The following RRAS2 variants were observed in gnomAD, a reference collection of about 807,000 sequenced individuals.
RRAS2 encodes RAS related 2, also known as ras-related protein R-Ras2.
Under a neutral mutation model 27.6 loss-of-function variants are expected in RRAS2, and 7 were observed. That is an observed-to-expected ratio of 0.25 (90% CI 0.14 to 0.48). RRAS2 has a LOEUF of 0.48. Ranked by LOEUF, RRAS2 falls within the 20% of genes least tolerant of loss-of-function variation. The pLI is 0.99. For synonymous variants in RRAS2, 86 were observed against 90.9 expected, an observed-to-expected ratio of 0.95 and a Z score of 0.31; for missense variants, 178 against 256.2, an observed-to-expected ratio of 0.69 and a Z score of 2.08.
chr11:14,338,470 T>G (rs1342072464), intron 1 of RRAS2, among the ~76,000 whole-genome samples: 1 of 152,226 alleles, frequency 6.6e-6, no homozygotes, highest in Non-Finnish European at 1.5e-5. Context: ...TTTTTACACA[T>G]ATCTACAAGG....
intron 1 of RRAS2, among the ~76,000 whole-genome samples, chr11:14,332,411 G>T (rs34171876): frequency 6.6e-6 from 1 of 152,032 alleles, no homozygotes; most frequent in African/African-American, 2.4e-5. Flanking sequence ...TGAGGCAGGA[G>T]GCCCACTTGA....
intron 1 of RRAS2, among the ~76,000 whole-genome samples, chr11:14,332,460 C>T (rs1554952044): frequency 6.6e-6 from 1 of 152,066 alleles, no homozygotes; most frequent in Non-Finnish European, 1.5e-5. Flanking sequence ...CATGATGGCA[C>T]CACTGCACTC....
intron 1 of RRAS2, among the ~76,000 whole-genome samples, chr11:14,329,068 T>TACAC (rs200695347): frequency 0.034 from 4,818 of 141,672 alleles, 87 homozygotes; most frequent in Admixed American, 0.053. Context: ...CACATATACA[T>TACAC]ACACACACAC....
chr11:14,278,808 A>G lies in RRAS2; in HGVS notation c.*529T>C, dbSNP rs1312278303. The G allele has an allele frequency of 2.0e-5, 3 of 152,908 alleles. No individual in the cohort carries two copies. Among genetic ancestry groups the G allele is most frequent in the African/African-American group, 7.2e-5 (3 of 41,466 alleles). The allele number at this position is 152,908 out of a possible 1,614,324, so 9.5% of individuals were successfully genotyped here. On this transcript the variant is annotated 3_prime_UTR_variant, in exon 6 of 6. Coordinates refer to ENST00000256196, the MANE Select transcript of RRAS2 (RefSeq NM_012250.6). ...AGGCATTTGGTATTTTGGCCATCAG[A>G]AAACAAAAGTTGTAGTATCAGTAAA... is the stretch of plus-strand genomic sequence containing the variant.
intron 1 of RRAS2, among the ~76,000 whole-genome samples, chr11:14,310,327 TTG>T (rs1847931902): frequency 1.3e-5 from 2 of 151,990 alleles, no homozygotes; most frequent in Non-Finnish European, 2.9e-5. Flanking sequence ...GAAGACAAAT[TTG>T]GGAGTCAGGA....
At chr11:14,305,999 C>T (rs1004472361) in intron 1 of RRAS2, among the ~76,000 whole-genome samples, 26 of 152,014 alleles carry the variant, frequency 1.7e-4, no homozygotes, top group African/African-American at 6.3e-4. Flanking sequence ...GAGCTGCGAC[C>T]GCACCACTGC....
upstream of RRAS2, among the ~76,000 whole-genome samples, chr11:14,363,048 G>A (rs1055676623): frequency 5.3e-5 from 8 of 152,244 alleles, no homozygotes; most frequent in East Asian, 1.5e-3. Context: ...TTAAAAATAG[G>A]GTATGTCACA....
At chr11:14,343,028 G>A (rs1341367944) in intron 1 of RRAS2, among the ~76,000 whole-genome samples, 4 of 152,140 alleles carry the variant, frequency 2.6e-5, no homozygotes, top group African/African-American at 9.7e-5. Context: ...AAAGGAATGT[G>A]GGGTATTTTG....
At chr11:14,281,019 T>C (rs1554944236) in intron 5 of RRAS2, among the ~76,000 whole-genome samples, 1 of 152,190 alleles carries the variant, frequency 6.6e-6, no homozygotes, top group Non-Finnish European at 1.5e-5. Flanking sequence ...AAATTCTCTG[T>C]TGTGTGGGAC....
upstream of RRAS2, among the ~76,000 whole-genome samples, chr11:14,361,023 C>T (rs1849184969): frequency 1.3e-5 from 2 of 150,248 alleles, no homozygotes; most frequent in Non-Finnish European, 3.0e-5. Flanking sequence ...TAGTGGCTCA[C>T]GCCTGTAATC....
chr11:14,319,231 G>A (rs1554949929), intron 1 of RRAS2, among the ~76,000 whole-genome samples: 2 of 151,732 alleles, frequency 1.3e-5, no homozygotes, highest in African/African-American at 2.4e-5. Flanking sequence ...ATACACCTCC[G>A]TCAATCCTGA....
intron 1 of RRAS2, among the ~76,000 whole-genome samples, chr11:14,308,522 C>A (rs183772014): frequency 1.3e-5 from 2 of 152,280 alleles, no homozygotes; most frequent in Admixed American, 6.5e-5. Flanking sequence ...TTAGCTCCTA[C>A]AATATGCCAA....
intron 1 of RRAS2, among the ~76,000 whole-genome samples, chr11:14,306,489 T>C (rs547560561): frequency 6.6e-6 from 1 of 152,228 alleles, no homozygotes; most frequent in South Asian, 2.1e-4. Context: ...TTTTCTCTCA[T>C]AGCCCCCTTC....
intron 1 of RRAS2, among the ~76,000 whole-genome samples, chr11:14,331,904 G>A (rs1280556634): frequency 6.6e-6 from 1 of 152,064 alleles, no homozygotes; most frequent in Non-Finnish European, 1.5e-5. Flanking sequence ...ACACACAAAA[G>A]GAGCTATACC....
chr11:14,314,908 A>G (rs1848062057), intron 1 of RRAS2, among the ~76,000 whole-genome samples: 1 of 152,108 alleles, frequency 6.6e-6, no homozygotes, highest in Non-Finnish European at 1.5e-5. Context: ...GCTGGTCTCA[A>G]ACTCTTGGCC....
intron 1 of RRAS2, among the ~76,000 whole-genome samples, chr11:14,305,914 G>A (rs1346043083): frequency 1.3e-5 from 2 of 151,958 alleles, no homozygotes; most frequent in African/African-American, 4.8e-5. Flanking sequence ...ATGTGGTGGT[G>A]CGTAACTGTA....
At chr11:14,326,030 A>G (rs1219496903) in intron 1 of RRAS2, among the ~76,000 whole-genome samples, 1 of 152,224 alleles carries the variant, frequency 6.6e-6, no homozygotes, top group Non-Finnish European at 1.5e-5. Context: ...TTTTTTAAGA[A>G]TATTACAGAA....
At chr11:14,319,932 AAAC>A (rs1848190537) in intron 1 of RRAS2, among the ~76,000 whole-genome samples, 1 of 152,232 alleles carries the variant, frequency 6.6e-6, no homozygotes, top group Non-Finnish European at 1.5e-5. Context: ...TAAAACAACT[AAAC>A]AACTCAACTG....
intron 1 of RRAS2, among the ~76,000 whole-genome samples, chr11:14,302,109 C>CACACAT (rs1415452446): frequency 1.4e-5 from 2 of 138,908 alleles, no homozygotes; most frequent in Non-Finnish European, 3.2e-5. Flanking sequence ...CACACACACA[C>CACACAT]ACCAAAAACC....
Sources: gnomAD v4.1 joint callset for allele counts (sites outside exome capture counted in the v4.1 genomes callset) on GRCh38, gnomAD v4.1.1 for gene constraint, MANE v1.5 for transcripts, NCBI Gene and HGNC (gene_info 2026-07-23, HGNC 2026-07-21) for gene names.